OGN: variants seen among roughly 807,000 people sequenced by gnomAD.
The protein encoded by OGN is osteoglycin.
OGN carries 19 observed loss-of-function variants against 30.8 expected under a neutral mutation model. That is an observed-to-expected ratio of 0.62 (90% CI 0.43 to 0.90). OGN has a LOEUF of 0.90. OGN is among the 40% of genes least tolerant of loss of function. The pLI is 0.00. For synonymous variants in OGN, 126 were observed against 128.3 expected (o/e 0.98, Z 0.12); for missense variants, 283 against 349.7 (o/e 0.81, Z 1.52).
At chr9:92,387,883 C>T (rs1202393443) in intron 5 of OGN, among the ~76,000 whole-genome samples, 1 of 152,030 alleles carries the variant, frequency 6.6e-6, no homozygotes, top group Non-Finnish European at 1.5e-5. Flanking sequence ...CCTGCCTCAG[C>T]CTCCTGAGTA....
At position 92,385,729 on chromosome 9, in the gene OGN, A is replaced by C; in HGVS notation, c.788T>G (p.Ile263Ser). 8 of 1,614,194 alleles carry C rather than the reference A, an allele frequency of 5.0e-6. No homozygotes were observed. The highest frequency in any genetic ancestry group is 6.8e-6 in the Non-Finnish European group (8 of 1,180,016). ...GCGTATCTCTTCAATGCGGTCCCGGATGTAACTGGTGTCATTAGCCTTGCA... is the reference window on the plus strand; with the variant it reads ...GCGTATCTCTTCAATGCGGTCCCGGCTGTAACTGGTGTCATTAGCCTTGCA... ...TFCKANDTSY[I>S]RDRIEEIRLE... The change falls in exon 7 of 7, where the codon ATC becomes AGC. Residue 263 changes from isoleucine to serine, a missense_variant. Ile to Ser is a moderately radical substitution (Grantham distance 142). Transcript: ENST00000375561.
intron 3 of OGN, among the ~76,000 whole-genome samples, chr9:92,398,210 C>T (rs1238098788): frequency 6.6e-6 from 1 of 152,136 alleles, no homozygotes; most frequent in East Asian, 1.9e-4. Context: ...TTAACAGTTA[C>T]TTAGAGTTTT....
In OGN at chr9:92,392,955, C is replaced by T. The variant is rs1842746408; in HGVS notation, c.427+131G>A. Reference sequence around the variant, plus strand: ...AACAAATGAATGGACTTTTGTGAAACATGTTAGATATTTATGTACTTCAAG... The same window carrying T: ...AACAAATGAATGGACTTTTGTGAAATATGTTAGATATTTATGTACTTCAAG... On this transcript the variant is annotated intron_variant, in intron 4 of 6. Transcript: ENST00000375561. 3 of 641,870 alleles carry T rather than the reference C, an allele frequency of 4.7e-6. No individual in the cohort carries two copies. In the Admixed American group the frequency reaches 9.3e-5, roughly 20 times the overall value. 39.8% of individuals were successfully genotyped at this position (641,870 alleles called of 1,614,324 possible). A position where few individuals can be genotyped will look rare whatever the true frequency, so the allele number is the denominator to read the frequency against.
At chr9:92,387,657 T>C (rs1050897844) in intron 5 of OGN, among the ~76,000 whole-genome samples, 5 of 152,216 alleles carry the variant, frequency 3.3e-5, no homozygotes, top group Non-Finnish European at 7.3e-5. Flanking sequence ...CAAGCTCTTG[T>C]CTTCCCAGTG....
chr9:92,403,977 G>A (rs971093267), intron 1 of OGN, among the ~76,000 whole-genome samples: 10 of 152,060 alleles, frequency 6.6e-5, no homozygotes, highest in African/African-American at 1.4e-4. Context: ...AAAGCCATAC[G>A]TTTTTAATTT....
chr9:92,392,596 C>T (rs1842730759), intron 4 of OGN, among the ~76,000 whole-genome samples: 1 of 148,818 alleles, frequency 6.7e-6, no homozygotes, highest in African/African-American at 2.5e-5. Flanking sequence ...GCCTGGGCAA[C>T]AGAGCAAGAC....
At chr9:92,386,941 G>T (rs563958259) in intron 5 of OGN, among the ~76,000 whole-genome samples, 3 of 151,566 alleles carry the variant, frequency 2.0e-5, no homozygotes. Flanking sequence ...CCAGCTACTC[G>T]GGAGGCTGAG....
chr9:92,404,409 T>C, intron 1 of OGN, 87 bp downstream of exon 1: 1 of 815,764 alleles, frequency 1.2e-6, no homozygotes, highest in Non-Finnish European at 1.7e-6. Flanking sequence ...AAACCAGAGA[T>C]GGCCTTTACA....
intron 3 of OGN, among the ~76,000 whole-genome samples, chr9:92,394,745 C>A (rs1211989518): frequency 6.6e-6 from 1 of 151,596 alleles, no homozygotes; most frequent in Admixed American, 6.6e-5. Flanking sequence ...TCCGGGATTA[C>A]AGGCATGTGC....
At chr9:92,390,974 G>T (rs1842653447) in intron 4 of OGN, among the ~76,000 whole-genome samples, 1 of 152,130 alleles carries the variant, frequency 6.6e-6, no homozygotes, top group African/African-American at 2.4e-5. Flanking sequence ...ATGTTAAACA[G>T]CAAAATCAGG....
At position 92,386,086 on chromosome 9, in the gene OGN, G is replaced by C. The variant is rs548590107; in HGVS notation, c.726+115C>G. On this transcript the variant is annotated intron_variant, in intron 6 of 6. Coordinates refer to ENST00000375561, the MANE Select transcript of OGN (RefSeq NM_014057.5). ...TGATAGGCAGACATTTAGCTATCAC[G>C]CTACTACAGTGATCTAACCAAAATT... 5.4e-6 allele frequency: 4 copies of C among 747,306 alleles called. No homozygotes were observed. In the African/African-American group the frequency reaches 7.1e-5, roughly 13 times the overall value. 46.3% of individuals were successfully genotyped at this position (747,306 alleles called of 1,614,324 possible).
At chr9:92,395,227 G>T (rs1184373520) in intron 3 of OGN, among the ~76,000 whole-genome samples, 1 of 152,140 alleles carries the variant, frequency 6.6e-6, no homozygotes, top group Non-Finnish European at 1.5e-5. Flanking sequence ...AGCAATGACT[G>T]ACCTGCTTTT....
At chr9:92,401,041 T>G in intron 3 of OGN, 51 bp downstream of exon 3, 1 of 850,212 alleles carries the variant, frequency 1.2e-6, no homozygotes. Flanking sequence ...ATAAAGTCCA[T>G]TATAGCTATT....
In OGN at chr9:92,390,063, G is replaced by A; in HGVS notation, c.428-7C>T. ...TCGAGTCTTCTTAAGTTAGCTAGAG[G>A]GAAAAAAATATAAAAAACAACTACG... On this transcript the variant is annotated splice_polypyrimidine_tract_variant and splice_region_variant and intron_variant, in intron 4 of 6. Coordinates refer to ENST00000375561, the MANE Select transcript of OGN (RefSeq NM_014057.5). The A allele has an allele frequency of 6.6e-7, 1 of 1,510,068 alleles. No homozygotes were observed. The highest frequency in any genetic ancestry group is 9.0e-7 in the Non-Finnish European group (1 of 1,105,236). 93.5% of individuals were successfully genotyped at this position (1,510,068 alleles called of 1,614,324 possible). A position where few individuals can be genotyped will look rare whatever the true frequency, so the allele number is the denominator to read the frequency against.
Position 92,389,989 on chromosome 9 carries a change from T to C in OGN, c.495A>G (p.Lys165=). The change falls in exon 5 of 7, where the codon AAA becomes AAG. Residue 165 remains lysine, a synonymous_variant. Transcript: ENST00000375561. The stretch of plus-strand genomic sequence containing the variant: ...GTGAAAGTTCTTCTAACAGAGAAAG[T>C]TTTGAAAAAGTACCATCTTCTATAT... ...IEDIEDGTFS[K]LSLLEELSLA... The C allele has an allele frequency of 6.2e-7, 1 of 1,611,266 alleles. No homozygotes were observed. Among genetic ancestry groups the C allele is most frequent in the African/African-American group, 1.3e-5 (1 of 74,978 alleles).
intron 3 of OGN, among the ~76,000 whole-genome samples, chr9:92,395,096 G>A (rs891485361): frequency 2.0e-5 from 3 of 151,704 alleles, no homozygotes; most frequent in African/African-American, 7.3e-5. Flanking sequence ...CAACATATAC[G>A]ATTTTTACAT....
chr9:92,397,047 C>T (rs1006614560), intron 3 of OGN, among the ~76,000 whole-genome samples: 3 of 151,668 alleles, frequency 2.0e-5, no homozygotes, highest in East Asian at 2.0e-4. Flanking sequence ...TGTGGTGGCA[C>T]GTTCCTGTAG....
intron 4 of OGN, among the ~76,000 whole-genome samples, chr9:92,391,978 C>A (rs761746510): frequency 1.3e-5 from 2 of 151,132 alleles, no homozygotes; most frequent in Non-Finnish European, 2.9e-5. Flanking sequence ...TATGGTTAGT[C>A]TCATAAATGT....
intron 3 of OGN, among the ~76,000 whole-genome samples, chr9:92,395,159 C>T (rs1842845094): frequency 6.6e-6 from 1 of 152,218 alleles, no homozygotes; most frequent in South Asian, 2.1e-4. Flanking sequence ...ACATACCTGT[C>T]ACTCCAAAAA....
Sources: allele counts gnomAD v4.1 joint callset (sites outside exome capture counted in the v4.1 genomes callset), GRCh38; gene constraint gnomAD v4.1.1; transcripts MANE v1.5; gene names NCBI Gene and HGNC (gene_info 2026-07-23, HGNC 2026-07-21).